The following CDC42BPA variants were observed in gnomAD, a reference collection of about 807,000 sequenced individuals.
The protein encoded by CDC42BPA is CDC42 binding protein kinase alpha.
CDC42BPA carries 80 observed loss-of-function variants against 223.5 expected under a neutral mutation model. The observed-to-expected ratio is 0.36, with a 90% CI of 0.30 to 0.43. The LOEUF is 0.43. CDC42BPA is among the 20% of genes least tolerant of loss of function. The probability of loss-of-function intolerance (pLI) is 1.00; values close to 1 mark genes in which losing one functional copy is unlikely to be tolerated. For synonymous variants in CDC42BPA, 694 were observed against 718.6 expected (o/e 0.97, Z 0.55); for missense variants, 1,743 against 2,099.9 (o/e 0.83, Z 3.32).
At chr1:227,163,626 C>T (rs1664502648) in intron 5 of CDC42BPA, among the ~76,000 whole-genome samples, 1 of 151,808 alleles carries the variant, frequency 6.6e-6, no homozygotes, top group African/African-American at 2.4e-5. Context: ...GTTTAATCTT[C>T]AGGGATTCTA....
chr1:227,105,354 CTCTTT>C (rs1414799640), intron 14 of CDC42BPA, among the ~76,000 whole-genome samples: 27 of 113,634 alleles, frequency 2.4e-4, no homozygotes, highest in East Asian at 5.5e-4. Flanking sequence ...TTTGCCTATT[CTCTTT>C]TTTTTTTTTT....
intron 17 of CDC42BPA, among the ~76,000 whole-genome samples, chr1:227,074,704 A>G (rs992132276): frequency 6.6e-6 from 1 of 152,214 alleles, no homozygotes; most frequent in Non-Finnish European, 1.5e-5. Context: ...TTTCTAAATA[A>G]TAAGATTTCT....
rs34111989 is a variant in CDC42BPA, at chr1:227,051,861, G to T, written c.3009+20C>A. 3.1e-6 allele frequency: 4 copies of T among 1,302,944 alleles called. No individual in the cohort carries two copies. The highest frequency in any genetic ancestry group is 1.9e-5 in the Admixed American group (1 of 52,422). The allele number at this position is 1,302,944 out of a possible 1,614,324, so 80.7% of individuals were successfully genotyped here. ...GACACAAGTGAAAAGTTGGGGAGCA[G>T]GGATGCTCCAATAAGGCACCTTAAC... On this transcript the variant is annotated intron_variant, in intron 22 of 36. Transcript: ENST00000366766.
chr1:227,231,147 C>T (rs1050213650), intron 2 of CDC42BPA, among the ~76,000 whole-genome samples: 2 of 127,058 alleles, frequency 1.6e-5, no homozygotes, highest in African/African-American at 5.9e-5. Context: ...CCCCCCACCC[C>T]ACGACAGGCC....
intron 1 of CDC42BPA, among the ~76,000 whole-genome samples, chr1:227,254,743 T>C (rs1682761938): frequency 6.6e-6 from 1 of 152,218 alleles, no homozygotes; most frequent in Admixed American, 6.5e-5. Flanking sequence ...CAAAATTTAA[T>C]AATGTGATAA....
At chr1:227,033,537 T>A (rs552318019) in intron 26 of CDC42BPA, 122 bp from the exon 27 acceptor site, 76 of 625,020 alleles carry the variant, frequency 1.2e-4, no homozygotes, top group South Asian at 7.0e-4. Flanking sequence ...TTTAATTTTT[T>A]AAAAAAATTA....
At position 227,017,045 on chromosome 1, in the gene CDC42BPA, C is replaced by A. The variant is rs762832639; in HGVS notation, c.4621G>T (p.Asp1541Tyr). 2.5e-6 allele frequency: 4 copies of A among 1,607,950 alleles called. No homozygotes were observed. Among genetic ancestry groups the A allele is most frequent in the African/African-American group, 1.3e-5 (1 of 74,610 alleles). ...GATGTTTCAGGTACTACCAGTTCGT[C>A]CCCTTCTGTTAAAATAAAAATACAA... ...IYFKNKMAEG[D>Y]ELVVPETSDN... The change falls in exon 33 of 37, where the codon GAC becomes TAC. Residue 1541 changes from aspartate to tyrosine, a missense_variant. Coordinates refer to ENST00000366766, the MANE Select transcript of CDC42BPA (RefSeq NM_001394014.1).
intron 23 of CDC42BPA, among the ~76,000 whole-genome samples, chr1:227,047,246 T>C (rs1672634560): frequency 6.6e-6 from 1 of 152,186 alleles, no homozygotes; most frequent in South Asian, 2.1e-4. Flanking sequence ...CCAACATACT[T>C]CTTATCTCTT....
At chr1:227,222,628 G>GCC (rs1342723984) in intron 2 of CDC42BPA, among the ~76,000 whole-genome samples, 1 of 152,228 alleles carries the variant, frequency 6.6e-6, no homozygotes, top group Non-Finnish European at 1.5e-5. Context: ...GAGAGGCCAA[G>GCC]AAGACTTTAG....
intron 34 of CDC42BPA, among the ~76,000 whole-genome samples, chr1:227,014,578 T>TA (rs398103773): frequency 6.6e-6 from 1 of 151,968 alleles, no homozygotes; most frequent in Non-Finnish European, 1.5e-5. Context: ...GCGTTTTTTT[T>TA]AATTTAAAGA....
intron 1 of CDC42BPA, among the ~76,000 whole-genome samples, chr1:227,287,456 T>C (rs11811358): frequency 0.15 from 22,804 of 152,130 alleles, 2,076 homozygotes; most frequent in African/African-American, 0.24. Flanking sequence ...ATGATAATAA[T>C]TCAATTAATA....
At chr1:227,002,398 G>A (rs1663047694) in intron 35 of CDC42BPA, among the ~76,000 whole-genome samples, 1 of 152,238 alleles carries the variant, frequency 6.6e-6, no homozygotes, top group Non-Finnish European at 1.5e-5. Context: ...GGGTACAGAT[G>A]ATGTTAGGAG....
intron 35 of CDC42BPA, among the ~76,000 whole-genome samples, chr1:227,002,886 C>G (rs1465809644): frequency 6.6e-6 from 1 of 152,194 alleles, no homozygotes; most frequent in Non-Finnish European, 1.5e-5. Flanking sequence ...AACCCTGAAC[C>G]AGAGCCATCC....
At chr1:227,186,064 C>T (rs1665363436) in intron 5 of CDC42BPA, among the ~76,000 whole-genome samples, 1 of 152,172 alleles carries the variant, frequency 6.6e-6, no homozygotes, top group Non-Finnish European at 1.5e-5. Flanking sequence ...TTTAAAAACC[C>T]ACAGCAGAAA....
rs2063669 is a variant in CDC42BPA at position 227,262,566 on chromosome 1, A to G, written c.179-8411T>C. 1.4e-3 allele frequency among the ~76,000 whole-genome samples: 219 copies of G among 152,336 alleles called. 1 individual carries two copies. Among genetic ancestry groups the G allele is most frequent in the Admixed American group, 3.5e-3 (53 of 15,306 alleles). On this transcript the variant is annotated intron_variant, in intron 1 of 36. Coordinates refer to ENST00000366766, the MANE Select transcript of CDC42BPA (RefSeq NM_001394014.1). ...ACTAAGAAATAATGTTCTAAAGGAT[A>G]CTAAGAATATAGCCATGTATTCTGG...
intron 1 of CDC42BPA, among the ~76,000 whole-genome samples, chr1:227,269,860 C>A (rs544049664): frequency 6.6e-6 from 1 of 152,038 alleles, no homozygotes; most frequent in East Asian, 1.9e-4. Flanking sequence ...ACTCTCATAT[C>A]CCAATGTTAG....
chr1:227,286,870 A>C (rs755993121), intron 1 of CDC42BPA, among the ~76,000 whole-genome samples: 20 of 152,344 alleles, frequency 1.3e-4, no homozygotes, highest in Non-Finnish European at 2.5e-4. Context: ...TGGAGAAAAG[A>C]AGCTGGCATG....
At chr1:227,078,410 T>C (rs920881200) in intron 17 of CDC42BPA, among the ~76,000 whole-genome samples, 6 of 152,188 alleles carry the variant, frequency 3.9e-5, no homozygotes, top group African/African-American at 1.2e-4. Flanking sequence ...ACTACATTTA[T>C]AGATCTCTGT....
intron 23 of CDC42BPA, among the ~76,000 whole-genome samples, chr1:227,042,181 C>T (rs746647467): frequency 3.3e-5 from 5 of 152,008 alleles, no homozygotes; most frequent in Non-Finnish European, 7.4e-5. Context: ...TCATGTTTTT[C>T]TTCTTCTAAA....
Sources: gnomAD v4.1 joint callset for allele counts (sites outside exome capture counted in the v4.1 genomes callset) on GRCh38, gnomAD v4.1.1 for gene constraint, MANE v1.5 for transcripts, NCBI Gene and HGNC (gene_info 2026-07-23, HGNC 2026-07-21) for gene names.